Variants in EYS observed in about 807,000 individuals in gnomAD.
The protein encoded by EYS is protein eyes shut homolog.
A neutral mutation model predicts 282.1 loss-of-function variants in EYS; 250 were observed. That is an observed-to-expected ratio of 0.89 (90% CI 0.80 to 0.98). EYS has a LOEUF of 0.98. Among genes scored for constraint, EYS ranks in the 50% least tolerant of loss-of-function variants. The pLI is 0.00. For synonymous variants in EYS, 1,355 were observed against 1,282.9 expected (o/e 1.06, Z -1.20); for missense variants, 4,016 against 3,709.0 (o/e 1.08, Z -2.15).
chr6:63,788,045 AT>A (rs1162994398), intron 39 of EYS, 59 bp downstream of exon 39: 13 of 1,306,276 alleles, frequency 1.0e-5, no homozygotes, highest in African/African-American at 1.5e-5. Flanking sequence ...TCTTTAAAAT[AT>A]TTTTTTCCCT....
At chr6:65,655,704 T>C (rs1295118458) in intron 1 of EYS, among the ~76,000 whole-genome samples, 4 of 151,822 alleles carry the variant, frequency 2.6e-5, no homozygotes, top group African/African-American at 4.8e-5. Flanking sequence ...GTTAACTGTG[T>C]CCAGCAAGAT....
At chr6:63,937,909 C>G (rs549757336) in intron 35 of EYS, among the ~76,000 whole-genome samples, 24 of 152,306 alleles carry the variant, frequency 1.6e-4, no homozygotes, top group African/African-American at 5.8e-4. Flanking sequence ...CAGACTAAGA[C>G]ACCACTTTCT....
chr6:65,178,157 A>G (rs952802153), intron 12 of EYS, among the ~76,000 whole-genome samples: 1 of 151,926 alleles, frequency 6.6e-6, no homozygotes. Flanking sequence ...GCACCCAAGC[A>G]TCTTGTCTGT....
chr6:63,800,373 T>A (rs1770754013), intron 37 of EYS, among the ~76,000 whole-genome samples: 1 of 152,184 alleles, frequency 6.6e-6, no homozygotes, highest in Non-Finnish European at 1.5e-5. Context: ...TAAAAAACTG[T>A]TGAGTATTTA....
At chr6:63,874,588 G>A (rs1310768748) in intron 35 of EYS, among the ~76,000 whole-genome samples, 1 of 152,036 alleles carries the variant, frequency 6.6e-6, no homozygotes, top group East Asian at 1.9e-4. Flanking sequence ...ACCTTGGGCA[G>A]TATGGCCATT....
intron 7 of EYS, among the ~76,000 whole-genome samples, chr6:65,394,211 A>T: frequency 6.6e-6 from 1 of 151,940 alleles, no homozygotes; most frequent in South Asian, 2.1e-4. Context: ...AGTAAAAATT[A>T]GTGTGTGTGT....
chr6:65,622,856 C>T lies in EYS; in HGVS notation c.-333+16922G>A, dbSNP rs138272802. ...CATTGCAGCTTCAACCTCTCGGGTC[C>T]GGTGGTCCTCCCAACATCACCCTCC... is the stretch of plus-strand genomic sequence containing the variant. On this transcript the variant is annotated intron_variant, in intron 2 of 42. Coordinates refer to ENST00000503581, the MANE Select transcript of EYS (RefSeq NM_001142800.2). 2.4e-3 allele frequency among the ~76,000 whole-genome samples: 369 copies of T among 151,568 alleles called. 4 individuals are homozygous for T. Among genetic ancestry groups the T allele is most frequent in the African/African-American group, 8.1e-3 (336 of 41,308 alleles).
intron 30 of EYS, among the ~76,000 whole-genome samples, chr6:64,234,813 T>G (rs1346565026): frequency 6.6e-6 from 1 of 152,070 alleles, no homozygotes; most frequent in Non-Finnish European, 1.5e-5. Context: ...AGTTTTGGAC[T>G]GGCTTTTTCA....
intron 31 of EYS, among the ~76,000 whole-genome samples, chr6:64,169,408 A>T (rs1370159843): frequency 6.8e-6 from 1 of 146,926 alleles, no homozygotes; most frequent in South Asian, 2.2e-4. Context: ...AATCAATGAC[A>T]TACTCAAACA....
intron 33 of EYS, among the ~76,000 whole-genome samples, chr6:64,023,655 G>C (rs966319461): frequency 6.6e-6 from 1 of 152,208 alleles, no homozygotes; most frequent in Non-Finnish European, 1.5e-5. Context: ...CACCTCCTTT[G>C]CCTGGGCTCC....
intron 31 of EYS, among the ~76,000 whole-genome samples, chr6:64,190,232 G>A (rs1180688108): frequency 6.6e-6 from 1 of 152,078 alleles, no homozygotes; most frequent in African/African-American, 2.4e-5. Flanking sequence ...GTACCCTCAG[G>A]GTGAAACATG....
Position 64,659,291 on chromosome 6 carries a change from T to G in EYS, c.3444-33046A>C, listed in dbSNP as rs570097997. 1.2e-3 allele frequency among the ~76,000 whole-genome samples: 182 copies of G among 152,132 alleles called. 1 individual carries two copies. Among genetic ancestry groups the G allele is most frequent in the Admixed American group, 2.2e-3 (33 of 15,272 alleles). ...GCCCACAAGAGAAAGCAGGAAAGATTTAAAATTGACACCCTAACATCACAA... is the reference window on the plus strand; with the variant it reads ...GCCCACAAGAGAAAGCAGGAAAGATGTAAAATTGACACCCTAACATCACAA... On this transcript the variant is annotated intron_variant, in intron 22 of 42. Coordinates refer to ENST00000503581, the MANE Select transcript of EYS (RefSeq NM_001142800.2).
intron 26 of EYS, among the ~76,000 whole-genome samples, chr6:64,551,030 G>T (rs1765058938): frequency 6.6e-6 from 1 of 151,906 alleles, no homozygotes; most frequent in Non-Finnish European, 1.5e-5. Context: ...CCTAGCTATA[G>T]TAGCTTCACA....
intron 37 of EYS, among the ~76,000 whole-genome samples, chr6:63,798,987 G>GTATATATATATATATA (rs56290982): frequency 1.0e-4 from 9 of 85,750 alleles, no homozygotes; most frequent in Admixed American, 3.1e-4. Flanking sequence ...GTATATGTGT[G>GTATATATATATATATA]TATATATATA....
intron 30 of EYS, among the ~76,000 whole-genome samples, chr6:64,235,577 T>G (rs971430435): frequency 2.6e-5 from 4 of 152,132 alleles, no homozygotes; most frequent in Non-Finnish European, 5.9e-5. Flanking sequence ...TATAGCAGCA[T>G]GATTTATAGT....
intron 22 of EYS, among the ~76,000 whole-genome samples, chr6:64,786,289 G>C (rs1033439725): frequency 6.6e-6 from 1 of 151,774 alleles, no homozygotes; most frequent in Non-Finnish European, 1.5e-5. Context: ...CAGAGACAGA[G>C]GGGTGGGCAC....
At chr6:64,639,669 T>C (rs1303221833) in intron 22 of EYS, among the ~76,000 whole-genome samples, 1 of 90,372 alleles carries the variant, frequency 1.1e-5, no homozygotes, top group African/African-American at 4.2e-5. Flanking sequence ...GGACTTCATG[T>C]CTAAAACACC....
intron 16 of EYS, among the ~76,000 whole-genome samples, chr6:64,906,317 T>C (rs1767825964): frequency 6.6e-6 from 1 of 152,052 alleles, no homozygotes; most frequent in African/African-American, 2.4e-5. Flanking sequence ...GTAATAAATA[T>C]TTAACATGTT....
chr6:65,521,752 G>T (rs1767379919), intron 2 of EYS, among the ~76,000 whole-genome samples: 1 of 152,154 alleles, frequency 6.6e-6, no homozygotes, highest in South Asian at 2.1e-4. Context: ...AGTTACAGAA[G>T]ATTGTAAATG....
Sources: gnomAD v4.1 joint callset for allele counts (sites outside exome capture counted in the v4.1 genomes callset) on GRCh38, gnomAD v4.1.1 for gene constraint, MANE v1.5 for transcripts, NCBI Gene and HGNC (gene_info 2026-07-23, HGNC 2026-07-21) for gene names.